Variants in MEGF11 observed in about 807,000 individuals in gnomAD.
The protein encoded by MEGF11 is multiple epidermal growth factor-like domains protein 11.
A neutral mutation model predicts 146.6 loss-of-function variants in MEGF11; 126 were observed. The observed-to-expected ratio is 0.86, with a 90% confidence interval of 0.74 to 1.00. The LOEUF is 1.00. Ranked by LOEUF, MEGF11 falls within the 50% of genes least tolerant of loss-of-function variation. The pLI is 0.00. For missense variants in MEGF11, 1,509 were observed against 1,521.2 expected (o/e 0.99, Z 0.13); for synonymous variants, 532 against 583.4 (o/e 0.91, Z 1.27).
rs528406481 is a variant in MEGF11, at chr15:65,918,883, C to T, written c.1958-789G>A. Among the ~76,000 whole-genome samples the T allele has an allele frequency of 4.2e-4, 64 of 152,246 alleles. 1 individual carries two copies. The highest frequency in any genetic ancestry group is 6.5e-4 in the Non-Finnish European group (44 of 68,056). On this transcript the variant is annotated intron_variant, in intron 15 of 25. Transcript: ENST00000395614. ...TTTCCCTGTGCAATTCATCCCCCAC[C>T]TGCTTTCTACAGCTTGAGCTCTCTA...
At chr15:66,039,426 A>G (rs2083861641) in intron 5 of MEGF11, among the ~76,000 whole-genome samples, 2 of 152,178 alleles carry the variant, frequency 1.3e-5, no homozygotes, top group Non-Finnish European at 2.9e-5. Context: ...AAGAGGGAAG[A>G]GAGTGGATAT....
rs1262782727 is a variant in MEGF11, at chr15:65,957,576, C to T, written c.1258G>A (p.Gly420Arg). The change falls in exon 10 of 26, where the codon GGG (glycine) becomes AGG (arginine). Residue 420 changes from glycine to arginine, a missense_variant. Transcript: ENST00000395614. Reference sequence around the variant, plus strand: ...AAGCCCGGAGCACAAGTGCAGCCCCCAGTGATGCTGTGGCAGTCGGCGCCA... The same window carrying T: ...AAGCCCGGAGCACAAGTGCAGCCCCTAGTGATGCTGTGGCAGTCGGCGCCA... Reference protein sequence around the residue: ...QNGADCHSITGGCTCAPGFMG... With the variant: ...QNGADCHSITRGCTCAPGFMG... 2 of 1,613,804 alleles carry T rather than the reference C, an allele frequency of 1.2e-6. No individual in the cohort carries two copies.
chr15:66,031,359 T>A (rs1450202483), intron 5 of MEGF11, among the ~76,000 whole-genome samples: 1 of 152,112 alleles, frequency 6.6e-6, no homozygotes, highest in Non-Finnish European at 1.5e-5. Context: ...TATGCAAGGA[T>A]GTTGTCTTGG....
intron 24 of MEGF11, among the ~76,000 whole-genome samples, chr15:65,902,700 TC>T (rs1480375892): frequency 6.6e-6 from 1 of 152,162 alleles, no homozygotes; most frequent in Non-Finnish European, 1.5e-5. Context: ...TGGGAGTCAC[TC>T]CTCCAAGGCT....
At chr15:66,216,744 A>G (rs955790723) in intron 1 of MEGF11, among the ~76,000 whole-genome samples, 3 of 152,170 alleles carry the variant, frequency 2.0e-5, no homozygotes, top group Non-Finnish European at 4.4e-5. Flanking sequence ...TGGAGTATTT[A>G]GGGAGAAAGG....
chr15:65,927,864 G>A (rs1446078540), intron 13 of MEGF11, among the ~76,000 whole-genome samples: 1 of 152,160 alleles, frequency 6.6e-6, no homozygotes, highest in East Asian at 1.9e-4. Context: ...TGTAAGAGTC[G>A]TGGGAAGCCA....
chr15:66,141,798 T>A (rs1484439974), intron 1 of MEGF11, among the ~76,000 whole-genome samples: 2 of 152,158 alleles, frequency 1.3e-5, no homozygotes, highest in Non-Finnish European at 1.5e-5. Flanking sequence ...ATATCCTGTG[T>A]GTATTTCCCT....
chr15:66,178,040 G>A (rs1023792360), intron 1 of MEGF11, among the ~76,000 whole-genome samples: 2 of 152,108 alleles, frequency 1.3e-5, no homozygotes, highest in African/African-American at 4.8e-5. Context: ...CTAGAGTGCA[G>A]TGGCACTATC....
intron 10 of MEGF11, 66 bp downstream of exon 10, chr15:65,957,481 C>T (rs952266019): frequency 4.1e-6 from 6 of 1,477,496 alleles, no homozygotes; most frequent in African/African-American, 2.8e-5. Context: ...CCTGATTGCA[C>T]CAGGAGGTGA....
At chr15:65,973,271 G>A (rs1164873148) in intron 7 of MEGF11, among the ~76,000 whole-genome samples, 1 of 152,156 alleles carries the variant, frequency 6.6e-6, no homozygotes, top group Non-Finnish European at 1.5e-5. Flanking sequence ...AGAGCAAAGA[G>A]TTAAAGAGTT....
intron 5 of MEGF11, among the ~76,000 whole-genome samples, chr15:66,091,923 T>C (rs184817572): frequency 6.6e-6 from 1 of 152,346 alleles, no homozygotes; most frequent in East Asian, 1.9e-4. Flanking sequence ...TATCTTCTAA[T>C]ACCTGACCCA....
intron 1 of MEGF11, among the ~76,000 whole-genome samples, chr15:66,141,971 G>A (rs984350479): frequency 6.6e-6 from 1 of 152,086 alleles, no homozygotes; most frequent in Non-Finnish European, 1.5e-5. Flanking sequence ...GGGTCGGTGG[G>A]GGGATCGGCG....
intron 1 of MEGF11, among the ~76,000 whole-genome samples, chr15:66,129,325 G>A (rs1387828312): frequency 6.6e-6 from 1 of 152,240 alleles, no homozygotes; most frequent in African/African-American, 2.4e-5. Context: ...GACCTGGTGG[G>A]TCGCTGACCT....
intron 5 of MEGF11, among the ~76,000 whole-genome samples, chr15:66,053,701 C>T (rs1293683318): frequency 2.7e-5 from 4 of 150,456 alleles, no homozygotes; most frequent in African/African-American, 4.9e-5. Context: ...TCAGCTCCCC[C>T]TCCCCTGGCA....
intron 1 of MEGF11, among the ~76,000 whole-genome samples, chr15:66,221,601 G>A (rs575911532): frequency 1.5e-5 from 2 of 131,394 alleles, no homozygotes; most frequent in Non-Finnish European, 3.4e-5. Context: ...GGGAGGGAGC[G>A]GGGACAGACC....
Position 66,179,865 on chromosome 15 carries a change from G to A in MEGF11, c.-8-51454C>T, listed in dbSNP as rs115817194. On this transcript the variant is annotated intron_variant, in intron 1 of 25. Transcript: ENST00000395614. ...GCCTAACACCCTCCGACACACAAAC[G>A]GTGCCTAACAGAGGACTGCTGGATT... 4.3e-3 allele frequency among the ~76,000 whole-genome samples: 484 copies of A among 113,776 alleles called. 3 individuals carry two copies. The highest frequency in any genetic ancestry group is 0.015 in the African/African-American group (451 of 29,272). The allele number at this position is 113,776 out of a possible 152,430, so 74.6% of individuals were successfully genotyped here.
rs144104659 is a variant in MEGF11, at chr15:66,030,147, C to A, written c.395-47659G>T. On this transcript the variant is annotated intron_variant, in intron 5 of 25. Transcript: ENST00000395614. Reference sequence around the variant, plus strand: ...ACCTGAGCACACACAGAGATTCAGACATGACTTCTCGTGCACACAGGCCAC... The same window carrying A: ...ACCTGAGCACACACAGAGATTCAGAAATGACTTCTCGTGCACACAGGCCAC... 2.7e-3 allele frequency among the ~76,000 whole-genome samples: 413 copies of A among 152,304 alleles called. 2 individuals are homozygous for A. Among genetic ancestry groups the A allele is most frequent in the African/African-American group, 9.6e-3 (399 of 41,564 alleles).
intron 5 of MEGF11, among the ~76,000 whole-genome samples, chr15:66,061,261 C>T (rs2084895086): frequency 6.6e-6 from 1 of 152,238 alleles, no homozygotes; most frequent in South Asian, 2.1e-4. Context: ...CTTCACAGAG[C>T]AGGGGCTGAG....
At chr15:66,104,556 A>T (rs540300160) in intron 4 of MEGF11, among the ~76,000 whole-genome samples, 1 of 152,306 alleles carries the variant, frequency 6.6e-6, no homozygotes, top group East Asian at 1.9e-4. Context: ...TTCCATTTTA[A>T]ACTTTTCCTT....
Sources: gnomAD v4.1 joint callset for allele counts (sites outside exome capture counted in the v4.1 genomes callset) on GRCh38, gnomAD v4.1.1 for gene constraint, MANE v1.5 for transcripts, NCBI Gene and HGNC (gene_info 2026-07-23, HGNC 2026-07-21) for gene names.